Variants in RRAGD observed in about 807,000 individuals in gnomAD.
RRAGD encodes ras-related GTP-binding protein D.
A neutral mutation model predicts 35.5 loss-of-function variants in RRAGD; 12 were observed. The observed-to-expected ratio is 0.34, with a 90% CI of 0.22 to 0.55. RRAGD has a LOEUF of 0.55. Ranked by LOEUF, RRAGD falls within the 20% of genes least tolerant of loss-of-function variation. The pLI is 0.91. For synonymous variants in RRAGD, 155 were observed against 178.9 expected, an observed-to-expected ratio of 0.87 and a Z score of 1.07; for missense variants, 324 against 490.1, an observed-to-expected ratio of 0.66 and a Z score of 3.20.
Position 89,412,213 on chromosome 6 carries a change from C to T in RRAGD, c.-220G>A, listed in dbSNP as rs1027630465. ...AAGCCCCCTCCCCCGCCCCGCCCGC[C>T]GGCGGAGGAGTCAGCCGGAGCGCGG... On this transcript the variant is annotated 5_prime_UTR_variant, in exon 1 of 7. Transcript: ENST00000369415. This position sits in a 1 kb window ranked among gnomAD's most constrained non-coding sequence, Gnocchi z 4.2. 6.3e-5 allele frequency: 19 copies of T among 303,614 alleles called. No individual in the cohort carries two copies. Among genetic ancestry groups the T allele is most frequent in the African/African-American group, 4.0e-4 (18 of 45,150 alleles). 18.8% of individuals were successfully genotyped at this position (303,614 alleles called of 1,614,324 possible). A position where few individuals can be genotyped will look rare whatever the true frequency, so the allele number is the denominator to read the frequency against.
intron 5 of RRAGD, among the ~76,000 whole-genome samples, chr6:89,374,761 G>A (rs1174399764): frequency 2.0e-5 from 3 of 150,716 alleles, no homozygotes; most frequent in East Asian, 2.1e-4. Flanking sequence ...GTGGAAGTTC[G>A]TATTTTTTGT....
At chr6:89,392,154 A>C (rs1769247534) in intron 1 of RRAGD, among the ~76,000 whole-genome samples, 1 of 152,054 alleles carries the variant, frequency 6.6e-6, no homozygotes, top group East Asian at 1.9e-4. Flanking sequence ...TCAAAGAAGG[A>C]TCAAGAAAAG....
At chr6:89,397,666 A>G (rs1769365801) in intron 1 of RRAGD, among the ~76,000 whole-genome samples, 1 of 152,212 alleles carries the variant, frequency 6.6e-6, no homozygotes, top group African/African-American at 2.4e-5. Context: ...CTAGCAGTTG[A>G]CTAGATACAC....
intron 6 of RRAGD, among the ~76,000 whole-genome samples, chr6:89,372,217 G>A (rs1389746276): frequency 6.6e-6 from 1 of 152,160 alleles, no homozygotes; most frequent in African/African-American, 2.4e-5. Context: ...CGCTGCAATC[G>A]CAGATGCACC....
Position 89,365,228 on chromosome 6 carries a change from A to C in RRAGD, c.*2828T>G, listed in dbSNP as rs1768718988. 1.3e-5 allele frequency: 2 copies of C among 152,204 alleles called. No homozygotes were observed. Among genetic ancestry groups the C allele is most frequent in the Admixed American group, 1.3e-4 (2 of 15,282 alleles). The allele number at this position is 152,204 out of a possible 1,614,324, so 9.4% of individuals were successfully genotyped here. A position where few individuals can be genotyped will look rare whatever the true frequency, so the allele number is the denominator to read the frequency against. On this transcript the variant is annotated 3_prime_UTR_variant, in exon 7 of 7. Transcript: ENST00000369415. ...ACCCTGGTCATTCACACTAATCTAC[A>C]TCACTGAAAATAACCAAAATAATTC...
intron 5 of RRAGD, among the ~76,000 whole-genome samples, chr6:89,376,314 T>G (rs1261051649): frequency 4.0e-5 from 6 of 150,976 alleles, no homozygotes; most frequent in East Asian, 1.9e-4. Context: ...TGTGTGTGTG[T>G]GTGTGTGTGT....
At chr6:89,380,433 T>G in intron 2 of RRAGD, 66 bp from the exon 3 acceptor site, 3 of 1,398,556 alleles carry the variant, frequency 2.1e-6, no homozygotes, top group Non-Finnish European at 3.0e-6. Context: ...ACACACACTC[T>G]TCACCTGGAA....
chr6:89,403,627 C>CTTTTTT (rs10715442), intron 1 of RRAGD, among the ~76,000 whole-genome samples: 130 of 116,398 alleles, frequency 1.1e-3, no homozygotes, highest in Non-Finnish European at 1.7e-3. Flanking sequence ...TTTTCTTTTT[C>CTTTTTT]TTTTTTTTTT....
intron 1 of RRAGD, among the ~76,000 whole-genome samples, chr6:89,404,418 CT>C (rs1769539519): frequency 6.6e-6 from 1 of 152,172 alleles, no homozygotes; most frequent in Non-Finnish European, 1.5e-5. Context: ...GCACTTGGAA[CT>C]GGGTATCAAG....
chr6:89,386,120 C>A (rs928281160), intron 2 of RRAGD, among the ~76,000 whole-genome samples: 1 of 152,182 alleles, frequency 6.6e-6, no homozygotes, highest in Non-Finnish European at 1.5e-5. Context: ...GTTGGTTCAG[C>A]GCATGCTGAG....
chr6:89,377,149 A>G (rs934620688), intron 5 of RRAGD, among the ~76,000 whole-genome samples: 1 of 152,208 alleles, frequency 6.6e-6, no homozygotes, highest in East Asian at 1.9e-4. Flanking sequence ...GTGTTAATCA[A>G]TCATTCATGT....
chr6:89,402,596 T>G (rs547126449), intron 1 of RRAGD, among the ~76,000 whole-genome samples: 1 of 149,752 alleles, frequency 6.7e-6, no homozygotes, highest in South Asian at 2.2e-4. Context: ...ACCAAGAAGG[T>G]TAGGGGCTTC....
intron 2 of RRAGD, among the ~76,000 whole-genome samples, chr6:89,384,456 G>T (rs1482577105): frequency 6.6e-6 from 1 of 152,156 alleles, no homozygotes; most frequent in Non-Finnish European, 1.5e-5. Flanking sequence ...TGGTCCTCCA[G>T]CCTTGGCCTC....
At chr6:89,393,354 T>C (rs979359634) in intron 1 of RRAGD, among the ~76,000 whole-genome samples, 12 of 152,276 alleles carry the variant, frequency 7.9e-5, no homozygotes, top group African/African-American at 2.9e-4. Flanking sequence ...GGAAGGAATA[T>C]GAAGACAAGC....
At chr6:89,400,593 A>G (rs893348386) in intron 1 of RRAGD, among the ~76,000 whole-genome samples, 1 of 138,352 alleles carries the variant, frequency 7.2e-6, no homozygotes, top group Non-Finnish European at 1.5e-5. Context: ...AAGGACAGGC[A>G]CTAAAAAAAA....
rs1768714064 is a variant in RRAGD at position 89,364,991 on chromosome 6, C to T, written c.*3065G>A. ...ACTATACCTGATTACAAATTACATC[C>T]AGTCTGTACAAGTTGAATACATACC... On this transcript the variant is annotated 3_prime_UTR_variant, in exon 7 of 7. Coordinates refer to ENST00000369415, the MANE Select transcript of RRAGD (RefSeq NM_021244.5). The T allele has an allele frequency of 6.6e-6, 1 of 152,194 alleles. No homozygotes were observed. The highest frequency in any genetic ancestry group is 2.4e-5 in the African/African-American group (1 of 41,442). The allele number at this position is 152,194 out of a possible 1,614,324, so 9.4% of individuals were successfully genotyped here.
chr6:89,401,741 A>G (rs1769468685), intron 1 of RRAGD, among the ~76,000 whole-genome samples: 1 of 152,004 alleles, frequency 6.6e-6, no homozygotes, highest in African/African-American at 2.4e-5. Context: ...CCCAGCTGCA[A>G]TGTCACCCCC....
chr6:89,387,962 A>C (rs1188937903), intron 1 of RRAGD, among the ~76,000 whole-genome samples: 1 of 152,122 alleles, frequency 6.6e-6, no homozygotes, highest in Admixed American at 6.6e-5. Context: ...GAAAGAATCC[A>C]GGTCTGAGCA....
chr6:89,388,775 G>A lies in RRAGD; in HGVS notation c.149-1185C>T, dbSNP rs1769179733. 1.3e-5 allele frequency among the ~76,000 whole-genome samples: 2 copies of A among 152,136 alleles called. 1 individual carries two copies. Among genetic ancestry groups the A allele is most frequent in the South Asian group, 4.1e-4 (2 of 4,822 alleles). On this transcript the variant is annotated intron_variant, in intron 1 of 6. Transcript: ENST00000369415. ...TCCTATATAATGAAATAATTCTCAA[G>A]TCACCATAATGTAGAATCAATGGGA...
Sources: allele counts gnomAD v4.1 joint callset (sites outside exome capture counted in the v4.1 genomes callset), GRCh38; gene constraint gnomAD v4.1.1; non-coding constraint Gnocchi (gnomAD v3.1); transcripts MANE v1.5; gene names NCBI Gene and HGNC (gene_info 2026-07-23, HGNC 2026-07-21).